IFT43: variants seen among roughly 807,000 people sequenced by gnomAD.
IFT43 encodes the protein intraflagellar transport protein 43 homolog.
Under a neutral mutation model 32.3 loss-of-function variants are expected in IFT43, and 33 were observed. The observed-to-expected ratio is 1.02, with a 90% CI of 0.77 to 1.37. The LOEUF is 1.37. Ranked by LOEUF, IFT43 falls within the 40% of genes most tolerant of loss-of-function variation. The pLI is 0.00. For synonymous variants in IFT43, 93 were observed against 98.2 expected, an observed-to-expected ratio of 0.95 and a Z score of 0.31; for missense variants, 274 against 265.9, an observed-to-expected ratio of 1.03 and a Z score of -0.21.
intron 5 of IFT43, among the ~76,000 whole-genome samples, chr14:76,065,478 C>T (rs1335976923): frequency 2.6e-5 from 4 of 152,220 alleles, no homozygotes; most frequent in Admixed American, 6.5e-5. Context: ...GAAGTTCCTC[C>T]GTGCCCCTTC....
At chr14:76,052,102 A>G (rs1385892991) in intron 3 of IFT43, among the ~76,000 whole-genome samples, 1 of 151,982 alleles carries the variant, frequency 6.6e-6, no homozygotes, top group Non-Finnish European at 1.5e-5. Flanking sequence ...AGGGTCCAGT[A>G]TGTGCTGTGG....
chr14:76,055,487 A>G lies in IFT43; in HGVS notation c.216-3155A>G, dbSNP rs59432283. Among the ~76,000 whole-genome samples the G allele has an allele frequency of 5.2e-3, 786 of 152,340 alleles. 5 individuals are homozygous for G. The highest frequency in any genetic ancestry group is 0.018 in the African/African-American group (737 of 41,572). On this transcript the variant is annotated intron_variant, in intron 3 of 8. Coordinates refer to ENST00000314067, the MANE Select transcript of IFT43 (RefSeq NM_001102564.3). ...ACATGGTGTTTTCTGTGCTATTAAA[A>G]AAGAAAGATGAAAGAAAAATTTTAA...
Position 76,021,451 on chromosome 14 carries a change from A to T in IFT43, c.148-876A>T, listed in dbSNP as rs375404453. ...CCTGTCAGTCATGTACATATAACTC[A>T]TTAACACTAAATAGTATATGTTGAT... is the stretch of plus-strand genomic sequence containing the variant. On this transcript the variant is annotated intron_variant, in intron 2 of 8. Transcript: ENST00000314067. Among the ~76,000 whole-genome samples, 187 of 152,368 alleles carry T rather than the reference A, an allele frequency of 1.2e-3. 5 individuals are homozygous for T. The South Asian group carries it at 0.037, about 30-fold the overall frequency.
At chr14:76,024,657 C>CT (rs2036356485) in intron 3 of IFT43, among the ~76,000 whole-genome samples, 1 of 152,206 alleles carries the variant, frequency 6.6e-6, no homozygotes, top group South Asian at 2.1e-4. Context: ...GCAGGTCTCT[C>CT]TGAGTTTTAT....
chr14:76,061,544 A>G (rs1416866791), intron 5 of IFT43, among the ~76,000 whole-genome samples: 2 of 151,694 alleles, frequency 1.3e-5, no homozygotes, highest in African/African-American at 4.9e-5. Context: ...TTCAACTTGG[A>G]TCGTTTGTAT....
At chr14:76,056,323 C>T (rs1488940548) in intron 3 of IFT43, among the ~76,000 whole-genome samples, 1 of 152,234 alleles carries the variant, frequency 6.6e-6, no homozygotes, top group African/African-American at 2.4e-5. Flanking sequence ...TTTCTTCCTT[C>T]CTCTGTTGGG....
chr14:76,024,253 G>C (rs146464741), intron 3 of IFT43, among the ~76,000 whole-genome samples: 1 of 152,312 alleles, frequency 6.6e-6, no homozygotes, highest in Non-Finnish European at 1.5e-5. Context: ...GAATTACCTT[G>C]TTTTAAATAA....
intron 5 of IFT43, among the ~76,000 whole-genome samples, chr14:76,068,298 A>T (rs534603186): frequency 6.6e-6 from 1 of 152,368 alleles, no homozygotes; most frequent in East Asian, 1.9e-4. Flanking sequence ...CTCCACATGG[A>T]GAATGAATAA....
At position 75,988,930 on chromosome 14, in the gene IFT43, G is replaced by A. The variant is rs140366557; in HGVS notation, c.100G>A (p.Glu34Lys). 9.5e-5 allele frequency: 154 copies of A among 1,614,024 alleles called. 1 individual carries two copies. Among genetic ancestry groups the A allele is most frequent in the South Asian group, 5.4e-4 (49 of 91,070 alleles). Residue 34 changes from glutamate to lysine, a missense_variant, in exon 2 of 9, where the codon GAG becomes AAG. By Grantham distance (56) the Glu-to-Lys change is moderately conservative. Coordinates refer to ENST00000314067, the MANE Select transcript of IFT43 (RefSeq NM_001102564.3). ...AGCTCAACAGGAGTCAGCGCAGGCC[G>A]AGAATCACCTCAATGGCAAGAATTC... ...RRAQQESAQAENHLNGKNSSL... is the reference protein window; with the variant it reads ...RRAQQESAQAKNHLNGKNSSL...
intron 3 of IFT43, among the ~76,000 whole-genome samples, chr14:76,049,664 G>A (rs191996847): frequency 1.4e-4 from 22 of 152,170 alleles, no homozygotes; most frequent in Admixed American, 1.1e-3. Context: ...CTCATACAGC[G>A]GTTCTTCTTA....
intron 3 of IFT43, among the ~76,000 whole-genome samples, chr14:76,049,895 A>G (rs950933479): frequency 6.6e-6 from 1 of 152,154 alleles, no homozygotes; most frequent in South Asian, 2.1e-4. Context: ...TCCCTGATCA[A>G]TGTCAGTGTA....
chr14:76,012,410 A>G (rs1189024484), intron 2 of IFT43, among the ~76,000 whole-genome samples: 2 of 152,196 alleles, frequency 1.3e-5, no homozygotes, highest in Non-Finnish European at 2.9e-5. Flanking sequence ...GGATGAGACC[A>G]TATAAAGAGG....
chr14:76,059,119 T>C lies in IFT43; in HGVS notation c.249-208T>C, dbSNP rs1034451726. 6.8e-6 allele frequency: 10 copies of C among 1,477,072 alleles called. No homozygotes were observed. In the Admixed American group the frequency reaches 1.3e-4, roughly 19 times the overall value. The allele number at this position is 1,477,072 out of a possible 1,614,324, so 91.5% of individuals were successfully genotyped here. ...ATTCATGTCATAGCCTCTGTGATGC[T>C]GTCCTCTGGAATAGTGCATCGCACA... On this transcript the variant is annotated intron_variant, in intron 4 of 8. Transcript: ENST00000314067.
At chr14:76,051,501 C>T (rs911702764) in intron 3 of IFT43, among the ~76,000 whole-genome samples, 2 of 152,108 alleles carry the variant, frequency 1.3e-5, no homozygotes, top group Admixed American at 6.5e-5. Context: ...TGGGTTTTCA[C>T]TGCAAAGGCT....
Position 76,056,169 on chromosome 14 carries a change from T to A in IFT43, c.216-2473T>A, listed in dbSNP as rs577909557. Among the ~76,000 whole-genome samples the A allele has an allele frequency of 4.6e-5, 7 of 152,328 alleles. No homozygotes were observed. The South Asian group carries it at 1.5e-3, about 32-fold the overall frequency. On this transcript the variant is annotated intron_variant, in intron 3 of 8. Transcript: ENST00000314067. ...AGGCTGGGAAGTGGCCAGTGTTCGG[T>A]CTGTGACCCAGATCAGAGGCAGGGC...
chr14:76,057,709 C>T (rs1207401272), intron 3 of IFT43, among the ~76,000 whole-genome samples: 2 of 152,130 alleles, frequency 1.3e-5, no homozygotes, highest in African/African-American at 2.4e-5. Context: ...GGCCATTTGC[C>T]GCCCTTTGCC....
intron 2 of IFT43, among the ~76,000 whole-genome samples, chr14:75,998,933 C>G (rs994581568): frequency 6.6e-6 from 1 of 152,084 alleles, no homozygotes; most frequent in South Asian, 2.1e-4. Context: ...CAAGGTCATG[C>G]TGTGTTGCTC....
At position 76,025,698 on chromosome 14, in the gene IFT43, G is replaced by A. The variant is rs1052943274; in HGVS notation, c.215+3304G>A. 5.3e-5 allele frequency among the ~76,000 whole-genome samples: 8 copies of A among 152,176 alleles called. No homozygotes were observed. The East Asian group carries it at 1.4e-3, about 26-fold the overall frequency. On this transcript the variant is annotated intron_variant, in intron 3 of 8. Transcript: ENST00000314067. ...AACCTGACAAAAACAAGCAATGGGGGAAGGATTCCTTATTCAATAAATGGT... is the reference window on the plus strand; with the variant it reads ...AACCTGACAAAAACAAGCAATGGGGAAAGGATTCCTTATTCAATAAATGGT...
At chr14:76,061,353 T>C (rs1042661280) in intron 5 of IFT43, among the ~76,000 whole-genome samples, 8 of 152,374 alleles carry the variant, frequency 5.3e-5, no homozygotes, top group African/African-American at 1.9e-4. Flanking sequence ...TACTTGAACT[T>C]CTTCAGTCTG....
Sources: gnomAD v4.1 joint callset for allele counts (sites outside exome capture counted in the v4.1 genomes callset) on GRCh38, gnomAD v4.1.1 for gene constraint, MANE v1.5 for transcripts, NCBI Gene and HGNC (gene_info 2026-07-23, HGNC 2026-07-21) for gene names.